Variants in CNTNAP4 observed in about 807,000 individuals in gnomAD.
The protein encoded by CNTNAP4 is contactin-associated protein-like 4.
Under a neutral mutation model 148.4 loss-of-function variants are expected in CNTNAP4, and 98 were observed. The ratio of observed to expected loss-of-function variants is 0.66; its 90% CI spans 0.56 to 0.78. CNTNAP4 has a LOEUF of 0.78. Among genes scored for constraint, CNTNAP4 ranks in the 30% least tolerant of loss-of-function variants. CNTNAP4 has a pLI of 0.00. For synonymous variants in CNTNAP4, 730 were observed against 565.1 expected (o/e 1.29, Z -4.14); for missense variants, 1,935 against 1,565.6 (o/e 1.24, Z -3.98).
At chr16:76,279,787 T>C (rs1473752277) in intron 1 of CNTNAP4, among the ~76,000 whole-genome samples, 1 of 152,198 alleles carries the variant, frequency 6.6e-6, no homozygotes, top group Admixed American at 6.5e-5. Context: ...GACAATATGA[T>C]TTGCAGCAGT....
chr16:76,293,490 A>C (rs1205302502), intron 1 of CNTNAP4, among the ~76,000 whole-genome samples: 1 of 152,016 alleles, frequency 6.6e-6, no homozygotes, highest in Non-Finnish European at 1.5e-5. Context: ...CTTCCTATCT[A>C]CCTGTCTATT....
intron 10 of CNTNAP4, among the ~76,000 whole-genome samples, chr16:76,471,701 A>T (rs1161994658): frequency 1.3e-5 from 2 of 152,004 alleles, no homozygotes; most frequent in Non-Finnish European, 2.9e-5. Context: ...ATACTCACAC[A>T]CAGGGTTTAT....
chr16:76,477,737 G>A (rs903793186), intron 11 of CNTNAP4, among the ~76,000 whole-genome samples: 10 of 152,178 alleles, frequency 6.6e-5, no homozygotes, highest in African/African-American at 2.2e-4. Flanking sequence ...TGGAAGGACA[G>A]TATATTTTAA....
chr16:76,439,681 C>T (rs186770193), intron 4 of CNTNAP4, among the ~76,000 whole-genome samples: 36 of 152,256 alleles, frequency 2.4e-4, no homozygotes, highest in African/African-American at 8.4e-4. Context: ...TGTGTTGTTA[C>T]TGACCTTAAC....
chr16:76,322,141 C>T (rs1174441860), intron 2 of CNTNAP4, among the ~76,000 whole-genome samples: 1 of 152,182 alleles, frequency 6.6e-6, no homozygotes, highest in Admixed American at 6.5e-5. Context: ...GAGAGTATGC[C>T]TTTGGCAACT....
chr16:76,497,880 AAAAG>A (rs377278131), intron 14 of CNTNAP4, among the ~76,000 whole-genome samples: 43 of 152,272 alleles, frequency 2.8e-4, no homozygotes, highest in African/African-American at 9.1e-4. Context: ...CAAAAAATAA[AAAAG>A]AAATCATATG....
chr16:76,368,571 A>G (rs2014426890), intron 3 of CNTNAP4, among the ~76,000 whole-genome samples: 1 of 152,144 alleles, frequency 6.6e-6, no homozygotes, highest in Non-Finnish European at 1.5e-5. Flanking sequence ...CCAACACAGG[A>G]ACAGAAAACC....
At chr16:76,367,588 A>T (rs1025833246) in intron 3 of CNTNAP4, among the ~76,000 whole-genome samples, 6 of 152,226 alleles carry the variant, frequency 3.9e-5, no homozygotes, top group African/African-American at 1.4e-4. Context: ...AATAGGCTTC[A>T]TTCAGCTACA....
At position 76,413,416 on chromosome 16, in the gene CNTNAP4, C is replaced by T. The variant is rs114319009; in HGVS notation, c.391-14036C>T. On this transcript the variant is annotated intron_variant, in intron 3 of 23. Coordinates refer to ENST00000611870, the MANE Select transcript of CNTNAP4 (RefSeq NM_033401.5). ...AAGAATTATTTTTCTCCCCACTGCT[C>T]TGCATGGCAAACATTGTTAATAATC... Among the ~76,000 whole-genome samples, 437 of 151,484 alleles carry T rather than the reference C, an allele frequency of 2.9e-3. 1 individual carries two copies. Among genetic ancestry groups the T allele is most frequent in the African/African-American group, 9.5e-3 (392 of 41,476 alleles).
intron 2 of CNTNAP4, among the ~76,000 whole-genome samples, chr16:76,336,784 G>A (rs1964063406): frequency 6.6e-6 from 1 of 152,144 alleles, no homozygotes; most frequent in Non-Finnish European, 1.5e-5. Context: ...TGACATGTTG[G>A]TTGATAAGTT....
rs184957896 is a variant in CNTNAP4, at chr16:76,533,406, C to G, written c.2756-2139C>G. On this transcript the variant is annotated intron_variant, in intron 17 of 23. Transcript: ENST00000611870. Reference sequence around the variant, plus strand: ...TACAGCTAGACAGGAGGAAAAAGTTCTAGTGTTGTATGCCACTGTAGAATG... The same window carrying G: ...TACAGCTAGACAGGAGGAAAAAGTTGTAGTGTTGTATGCCACTGTAGAATG... 2.0e-4 allele frequency among the ~76,000 whole-genome samples: 31 copies of G among 152,178 alleles called. No homozygotes were observed. In the East Asian group the frequency reaches 6.0e-3, roughly 29 times the overall value.
At chr16:76,315,715 C>T (rs1182650765) in intron 1 of CNTNAP4, among the ~76,000 whole-genome samples, 4 of 152,106 alleles carry the variant, frequency 2.6e-5, no homozygotes, top group Non-Finnish European at 4.4e-5. Flanking sequence ...CTGCCTCAGC[C>T]TCCCTAGCAG....
At chr16:76,492,121 A>AGAT (rs1311753506) in intron 13 of CNTNAP4, among the ~76,000 whole-genome samples, 2 of 152,198 alleles carry the variant, frequency 1.3e-5, no homozygotes, top group Admixed American at 6.5e-5. Context: ...ACTGGTGTGG[A>AGAT]GATGTTGGTC....
intron 1 of CNTNAP4, among the ~76,000 whole-genome samples, chr16:76,294,693 A>G (rs1959193392): frequency 6.6e-6 from 1 of 152,208 alleles, no homozygotes; most frequent in African/African-American, 2.4e-5. Flanking sequence ...TCCAAAACAT[A>G]GTAATTTCTG....
At chr16:76,419,632 G>C (rs4888501) in intron 3 of CNTNAP4, among the ~76,000 whole-genome samples, 54,788 of 151,852 alleles carry the variant, frequency 0.36, 10,123 homozygotes, top group Middle Eastern at 0.48. Context: ...TGACTCTTTG[G>C]ATGGTCCCGT....
At chr16:76,308,872 T>C (rs1384423068) in intron 1 of CNTNAP4, among the ~76,000 whole-genome samples, 4 of 152,128 alleles carry the variant, frequency 2.6e-5, no homozygotes, top group Admixed American at 6.6e-5. Context: ...TTGTCCAGGC[T>C]GGTGTGCAGT....
chr16:76,553,016 C>CT (rs1235728219), intron 21 of CNTNAP4, among the ~76,000 whole-genome samples: 1 of 152,108 alleles, frequency 6.6e-6, no homozygotes, highest in Non-Finnish European at 1.5e-5. Flanking sequence ...CACTTCTTAA[C>CT]CTGACCCATT....
chr16:76,327,698 A>C (rs1268505320), intron 2 of CNTNAP4, among the ~76,000 whole-genome samples: 1 of 152,024 alleles, frequency 6.6e-6, no homozygotes, highest in Non-Finnish European at 1.5e-5. Flanking sequence ...AGTCCACTGG[A>C]CTCATTCTAG....
chr16:76,504,493 A>G (rs1241197136), intron 15 of CNTNAP4, among the ~76,000 whole-genome samples: 1 of 152,208 alleles, frequency 6.6e-6, no homozygotes, highest in Non-Finnish European at 1.5e-5. Flanking sequence ...CTTAAATCTA[A>G]AACCACAAAC....
Sources: gnomAD v4.1 joint callset for allele counts (sites outside exome capture counted in the v4.1 genomes callset) on GRCh38, gnomAD v4.1.1 for gene constraint, MANE v1.5 for transcripts, NCBI Gene and HGNC (gene_info 2026-07-23, HGNC 2026-07-21) for gene names.